Variants in DMXL1 observed in about 807,000 individuals in gnomAD.
DMXL1 encodes the protein dmX-like protein 1.
A neutral mutation model predicts 319.2 loss-of-function variants in DMXL1; 99 were observed. The ratio of observed to expected loss-of-function variants is 0.31; its 90% confidence interval spans 0.26 to 0.37. DMXL1 has a LOEUF of 0.37. Ranked by LOEUF, DMXL1 falls within the 10% of genes least tolerant of loss-of-function variation. The pLI is 1.00. For synonymous variants in DMXL1, 1,385 were observed against 1,235.2 expected (o/e 1.12, Z -2.54); for missense variants, 3,745 against 3,595.6 (o/e 1.04, Z -1.06).
Position 119,170,696 on chromosome 5 carries a change from G to A in DMXL1, c.5905G>A (p.Asp1969Asn), listed in dbSNP as rs1225297549. 1 of 1,613,338 alleles carries A rather than the reference G, an allele frequency of 6.2e-7. No individual in the cohort carries two copies. Among genetic ancestry groups the A allele is most frequent in the Admixed American group, 1.7e-5 (1 of 59,906 alleles). The change falls in exon 24 of 44, where the codon GAC becomes AAC. Residue 1969 changes from aspartate to asparagine, a missense_variant. By Grantham distance (23) the Asp-to-Asn change is conservative. Coordinates refer to ENST00000539542, the MANE Select transcript of DMXL1 (RefSeq NM_001290321.3). The stretch of plus-strand genomic sequence containing the variant: ...GGATGACTCTTTAGAGTTAAAATGG[G>A]ACAGTGATAATGATGAAGAAAATGA... ...FQDDSLELKW[D>N]SDNDEENEDV... is the part of the protein sequence containing the mutation.
At chr5:119,158,592 C>G (rs1771602926) in intron 19 of DMXL1, among the ~76,000 whole-genome samples, 1 of 152,174 alleles carries the variant, frequency 6.6e-6, no homozygotes, top group African/African-American at 2.4e-5. Context: ...TGAATTGTCA[C>G]TGTTGGGTAT....
chr5:119,139,717 C>A (rs145195471), intron 13 of DMXL1, among the ~76,000 whole-genome samples: 1 of 152,084 alleles, frequency 6.6e-6, no homozygotes, highest in Non-Finnish European at 1.5e-5. Flanking sequence ...GACAGCTCAT[C>A]GAGGCAGAAG....
At chr5:119,128,801 C>T (rs1222144419) in intron 9 of DMXL1, among the ~76,000 whole-genome samples, 2 of 152,150 alleles carry the variant, frequency 1.3e-5, no homozygotes, top group Non-Finnish European at 2.9e-5. Flanking sequence ...CACGGTGGCT[C>T]ACGTCTGTAA....
Position 119,099,172 on chromosome 5 carries a change from T to TG in DMXL1, c.213+1071dup, listed in dbSNP as rs529826936. Reference sequence around the variant, plus strand: ...TTTATTATGGAATGCTGGAAATCTTTGGGTTTTTTTTTTGTTTTTTGTTTG... The same window carrying TG: ...TTTATTATGGAATGCTGGAAATCTTTGGGGTTTTTTTTTTGTTTTTTGTTTG... On this transcript the variant is annotated intron_variant, in intron 2 of 43. Transcript: ENST00000539542. 4.3e-3 allele frequency among the ~76,000 whole-genome samples: 601 copies of TG among 139,302 alleles called. 11 individuals carry two copies. Among genetic ancestry groups the TG allele is most frequent in the South Asian group, 0.031 (134 of 4,278 alleles). The allele number at this position is 139,302 out of a possible 152,430, so 91.4% of individuals were successfully genotyped here.
rs367791663 is a variant in DMXL1 at position 119,178,202 on chromosome 5, C to G, written c.7093C>G (p.His2365Asp). Reference sequence around the variant, plus strand: ...GTCTGCTGTGTTTGGTGGAGGTGCACATGTTCCTAGCAAAGAACAGACACA... The same window carrying G: ...GTCTGCTGTGTTTGGTGGAGGTGCAGATGTTCCTAGCAAAGAACAGACACA... ...MWSAVFGGGA[H>D]VPSKEQTHSK... Residue 2365 changes from histidine to aspartate, a missense_variant, in exon 28 of 44, where the codon CAT (histidine) becomes GAT (aspartate). By Grantham distance (81) the His-to-Asp change is moderately conservative (BLOSUM62 -1). Transcript: ENST00000539542. The G allele has an allele frequency of 1.2e-6, 2 of 1,613,848 alleles. No homozygotes were observed. Among genetic ancestry groups the G allele is most frequent in the South Asian group, 2.2e-5 (2 of 91,070 alleles).
Position 119,118,995 on chromosome 5 carries a change from T to A in DMXL1, c.924T>A (p.Asn308Lys), listed in dbSNP as rs1761444915. ...RNASSKERVQ[N>K]ALEVNLRHFR... The stretch of plus-strand genomic sequence containing the variant: ...CTTCCAGTAAAGAACGAGTTCAAAA[T>A]GCTTTAGAAGTGAGTGTTTTTGTTA... Residue 308 changes from asparagine to lysine, a missense_variant, in exon 8 of 44, where the codon AAT (asparagine) becomes AAA (lysine). This residue lies in a region of DMXL1 where 2,096 missense variants were observed against 1,985.4 expected (regional missense o/e 1.06). Transcript: ENST00000539542. 6.2e-7 allele frequency: 1 copy of A among 1,610,792 alleles called. No homozygotes were observed. The highest frequency in any genetic ancestry group is 1.1e-5 in the South Asian group (1 of 90,362).
chr5:119,217,294 T>G (rs886683790), intron 35 of DMXL1, among the ~76,000 whole-genome samples: 1 of 152,190 alleles, frequency 6.6e-6, no homozygotes, highest in African/African-American at 2.4e-5. Context: ...AAAAAGTTTT[T>G]TATGTTCCTT....
intron 30 of DMXL1, among the ~76,000 whole-genome samples, chr5:119,195,649 G>C (rs965714455): frequency 3.9e-5 from 6 of 152,150 alleles, no homozygotes; most frequent in Admixed American, 1.3e-4. Flanking sequence ...GTTGGATGGT[G>C]GTGGTGGTTG....
At chr5:119,148,609 C>T (rs1417431354) in intron 17 of DMXL1, 130 bp from the exon 18 acceptor site, 2 of 863,236 alleles carry the variant, frequency 2.3e-6, no homozygotes, top group South Asian at 1.8e-5. Context: ...AAAAAACATA[C>T]AGCCAAGATG....
chr5:119,174,934 T>G (rs1010067537), intron 25 of DMXL1, among the ~76,000 whole-genome samples: 5 of 152,244 alleles, frequency 3.3e-5, no homozygotes, highest in African/African-American at 4.8e-5. Context: ...AAAAGCAGAT[T>G]GAGTGTTGGA....
At chr5:119,102,417 T>A (rs1757466812) in intron 3 of DMXL1, among the ~76,000 whole-genome samples, 1 of 152,220 alleles carries the variant, frequency 6.6e-6, no homozygotes, top group Non-Finnish European at 1.5e-5. Context: ...GATCATGTAA[T>A]ACAGTCGTTA....
At chr5:119,100,069 T>G (rs899732148) in intron 2 of DMXL1, among the ~76,000 whole-genome samples, 1 of 152,122 alleles carries the variant, frequency 6.6e-6, no homozygotes, top group Non-Finnish European at 1.5e-5. Context: ...AAGAAATATT[T>G]TCTTCATTTA....
rs150038684 is a variant in DMXL1 at position 119,240,731 on chromosome 5, G to A, written c.8704+260G>A. Among the ~76,000 whole-genome samples the A allele has an allele frequency of 4.9e-3, 752 of 152,178 alleles. 7 individuals are homozygous for A. The highest frequency in any genetic ancestry group is 7.7e-3 in the Non-Finnish European group (524 of 68,000). On this transcript the variant is annotated intron_variant, in intron 42 of 43. Coordinates refer to ENST00000539542, the MANE Select transcript of DMXL1 (RefSeq NM_001290321.3). ...TTGAATCTGATAGCCACAGGTTATCGTTGTAAACATGATGTAAACTCAATA... is the reference window on the plus strand; with the variant it reads ...TTGAATCTGATAGCCACAGGTTATCATTGTAAACATGATGTAAACTCAATA...
chr5:119,118,728 A>G, intron 7 of DMXL1, 87 bp from the exon 8 acceptor site: 1 of 1,022,714 alleles, frequency 9.8e-7, no homozygotes, highest in African/African-American at 1.6e-5. Context: ...TAGTTGGTAC[A>G]TTTAAGTAAT....
At chr5:119,089,999 CTTTTTTTTTTTTTTTTTTTTTTTTTT>C (rs70982467) in intron 1 of DMXL1, among the ~76,000 whole-genome samples, 1 of 34,402 alleles carries the variant, frequency 2.9e-5, no homozygotes, top group Non-Finnish European at 5.3e-5. Context: ...TCGGGTTAGT[CTTTTTTTTTTTTTTTTTTTTTTTTTT>C]TTTTTTTTTT....
intron 38 of DMXL1, among the ~76,000 whole-genome samples, chr5:119,233,129 C>T (rs1233240272): frequency 1.3e-5 from 2 of 151,970 alleles, no homozygotes; most frequent in South Asian, 2.1e-4. Context: ...ATGCTCCTAT[C>T]GTATTTGAGG....
intron 13 of DMXL1, among the ~76,000 whole-genome samples, chr5:119,141,110 T>A (rs1407596185): frequency 6.6e-6 from 1 of 152,140 alleles, no homozygotes; most frequent in Non-Finnish European, 1.5e-5. Context: ...TACCTCAGAA[T>A]AATAAGAGCT....
At chr5:119,107,731 A>C (rs1758670906) in intron 4 of DMXL1, among the ~76,000 whole-genome samples, 1 of 152,192 alleles carries the variant, frequency 6.6e-6, no homozygotes, top group African/African-American at 2.4e-5. Flanking sequence ...TCTGTTGGTA[A>C]GTTCAAAAGT....
At chr5:119,139,828 C>T (rs1766892447) in intron 13 of DMXL1, among the ~76,000 whole-genome samples, 1 of 152,160 alleles carries the variant, frequency 6.6e-6, no homozygotes, top group Non-Finnish European at 1.5e-5. Context: ...ATATATTCCT[C>T]TCATTGCCAC....
Sources: allele counts gnomAD v4.1 joint callset (sites outside exome capture counted in the v4.1 genomes callset), GRCh38; gene constraint gnomAD v4.1.1; regional missense constraint gnomAD v4.1.1; transcripts MANE v1.5; gene names NCBI Gene and HGNC (gene_info 2026-07-23, HGNC 2026-07-21).